The following MTM1 variants were observed in gnomAD, a reference collection of about 807,000 sequenced individuals.
MTM1 encodes myotubularin.
Under a neutral mutation model 52.1 loss-of-function variants are expected in MTM1, and 9 were observed. The observed-to-expected ratio is 0.17, with a 90% confidence interval of 0.10 to 0.30. The LOEUF is 0.30. MTM1 is among the 10% of genes least tolerant of loss of function. The pLI is 1.00. For missense variants in MTM1, 277 were observed against 470.7 expected, an observed-to-expected ratio of 0.59 and a Z score of 3.81; for synonymous variants, 136 against 163.8, an observed-to-expected ratio of 0.83 and a Z score of 1.29.
chrX:150,626,257 G>C (rs1172176456), intron 6 of MTM1, among the ~76,000 whole-genome samples: 1 of 112,178 alleles, frequency 8.9e-6, no homozygotes, highest in Non-Finnish European at 1.9e-5. Context: ...ATGATCATTT[G>C]AATGACAGGT....
At chrX:150,627,875 G>T (rs782261076) in intron 6 of MTM1, among the ~76,000 whole-genome samples, 1 of 112,176 alleles carries the variant, frequency 8.9e-6, no homozygotes, top group South Asian at 3.7e-4. Context: ...TAAATTCTCA[G>T]GTTGGATGTT....
chrX:150,579,026 T>TCTAC (rs1384842015), intron 1 of MTM1, among the ~76,000 whole-genome samples: 1 of 105,710 alleles, frequency 9.5e-6, no homozygotes, highest in Non-Finnish European at 2.0e-5. Context: ...TCTCTATCTA[T>TCTAC]CTATCTATCT....
chrX:150,660,935 C>T (rs1215275886), intron 13 of MTM1, among the ~76,000 whole-genome samples: 1 of 111,982 alleles, frequency 8.9e-6, no homozygotes, highest in Non-Finnish European at 1.9e-5. Flanking sequence ...TCATGAGGGA[C>T]CTGTCCTCAT....
intron 1 of MTM1, among the ~76,000 whole-genome samples, chrX:150,583,465 A>AT (rs781922073): frequency 1.9e-4 from 5 of 26,958 alleles, no homozygotes; most frequent in Non-Finnish European, 3.1e-4. Flanking sequence ...TATAATTATA[A>AT]ATATATATAA....
At chrX:150,629,530 G>C (rs2148474607) in intron 6 of MTM1, among the ~76,000 whole-genome samples, 1 of 111,455 alleles carries the variant, frequency 9.0e-6, no homozygotes, top group South Asian at 3.8e-4. Context: ...TGTCTTCCTT[G>C]CCTTTTTCTC....
chrX:150,652,656 TATACACACACACAC>T (rs1395678161), intron 10 of MTM1, among the ~76,000 whole-genome samples: 1 of 44,162 alleles, frequency 2.3e-5, no homozygotes, highest in Admixed American at 3.2e-4. Flanking sequence ...TGTATATATA[TATACACACACACAC>T]ACACACACAC....
intron 6 of MTM1, among the ~76,000 whole-genome samples, chrX:150,621,900 T>G (rs1481873072): frequency 8.9e-6 from 1 of 112,006 alleles, no homozygotes; most frequent in Non-Finnish European, 1.9e-5. Context: ...CAGCCTTTAT[T>G]TCTCTCTCTA....
chrX:150,568,955 G>T (rs1158417030), intron 1 of MTM1, among the ~76,000 whole-genome samples: 2 of 113,468 alleles, frequency 1.8e-5, no homozygotes, highest in African/African-American at 6.4e-5. Flanking sequence ...TTGGCTGGCC[G>T]TGGAGCTGGG....
chrX:150,565,852 A>C (rs1426752075), upstream of MTM1, among the ~76,000 whole-genome samples: 1 of 111,703 alleles, frequency 9.0e-6, no homozygotes, highest in Non-Finnish European at 1.9e-5. Context: ...GTTGTGGAAG[A>C]AGCAGCCTGA....
At chrX:150,598,993 C>T (rs782288586) in intron 4 of MTM1, among the ~76,000 whole-genome samples, 1 of 111,715 alleles carries the variant, frequency 9.0e-6, no homozygotes, top group Non-Finnish European at 1.9e-5. Context: ...ACATATGAAA[C>T]CCACTTATGG....
intron 1 of MTM1, among the ~76,000 whole-genome samples, chrX:150,584,211 A>G (rs1267931253): frequency 9.4e-6 from 1 of 106,932 alleles, no homozygotes; most frequent in Non-Finnish European, 1.9e-5. Context: ...TGGGAGGAGA[A>G]TGGAAAAACC....
intron 5 of MTM1, among the ~76,000 whole-genome samples, chrX:150,618,156 G>C (rs1189239726): frequency 9.0e-6 from 1 of 111,145 alleles, no homozygotes; most frequent in Non-Finnish European, 1.9e-5. Context: ...TACTAATATG[G>C]GCTACTTTAA....
Position 150,598,627 on chromosome X carries a change from C to T in MTM1, c.172C>T (p.Pro58Ser). The change falls in exon 4 of 15, where the codon CCC becomes TCC. Residue 58 changes from proline (P) to serine (S), a missense_variant. Pro to Ser is a moderately conservative substitution (Grantham distance 74). Coordinates refer to ENST00000370396, the MANE Select transcript of MTM1 (RefSeq NM_000252.3). ...TATTTACATATGTCCTTTCAATGGC[C>T]CCATTAAGGGAAGAGTTTACATCAC... ...EVIYICPFNGPIKGRVYITNY... is the reference protein window; with the variant it reads ...EVIYICPFNGSIKGRVYITNY... 8.3e-7 allele frequency: 1 copy of T among 1,200,228 alleles called. No individual in the cohort carries two copies. Among genetic ancestry groups the T allele is most frequent in the Non-Finnish European group, 1.1e-6 (1 of 886,250 alleles).
intron 6 of MTM1, among the ~76,000 whole-genome samples, chrX:150,621,118 CAAAA>C (rs149399125): frequency 1.1e-4 from 5 of 44,238 alleles, no homozygotes; most frequent in Admixed American, 2.9e-4. Context: ...AGCTCCATCT[CAAAA>C]AAAAAAAAAA....
upstream of MTM1, among the ~76,000 whole-genome samples, chrX:150,566,249 C>T (rs2148388150): frequency 9.0e-6 from 1 of 111,627 alleles, no homozygotes; most frequent in South Asian, 3.8e-4. Flanking sequence ...AATTCTCCTG[C>T]CTCAGCCTCC....
Position 150,671,674 on chromosome X carries a change from A to G in MTM1, c.*79A>G, listed in dbSNP as rs1187025042. On this transcript the variant is annotated 3_prime_UTR_variant, in exon 15 of 15. Coordinates refer to ENST00000370396, the MANE Select transcript of MTM1 (RefSeq NM_000252.3). ...CATTTGGGGCATTTGTAAAAAGTAG[A>G]TTAAAATATTTGCCTCCATGTAGAA... The G allele has an allele frequency of 8.4e-6, 9 of 1,074,664 alleles. No individual in the cohort carries two copies. Among genetic ancestry groups the G allele is most frequent in the Non-Finnish European group, 1.2e-5 (9 of 782,047 alleles). 88.6% of individuals were successfully genotyped at this position (1,074,664 alleles called of 1,213,427 possible).
At chrX:150,645,998 TAGAC>T (rs1265836081) in intron 9 of MTM1, 127 bp downstream of exon 9, 17 of 612,470 alleles carry the variant, frequency 2.8e-5, no homozygotes, top group Non-Finnish European at 3.4e-5. Context: ...CCAGTTCTCT[TAGAC>T]AGAAAGTAGT....
At chrX:150,603,482 A>G (rs1174873475) in intron 4 of MTM1, among the ~76,000 whole-genome samples, 1 of 111,703 alleles carries the variant, frequency 9.0e-6, no homozygotes, top group Non-Finnish European at 1.9e-5. Context: ...GGTAAGTGAT[A>G]AGGGCCTTAA....
chrX:150,668,679 T>C (rs782790720), intron 14 of MTM1, among the ~76,000 whole-genome samples: 9 of 110,849 alleles, frequency 8.1e-5, no homozygotes, highest in Non-Finnish European at 1.3e-4. Context: ...ACGATTGCAC[T>C]GCACTCCAGC....
Sources: gnomAD v4.1 joint callset for allele counts (sites outside exome capture counted in the v4.1 genomes callset) on GRCh38, gnomAD v4.1.1 for gene constraint, MANE v1.5 for transcripts, NCBI Gene and HGNC (gene_info 2026-07-23, HGNC 2026-07-21) for gene names.